SMG6: variants seen among roughly 807,000 people sequenced by gnomAD.
SMG6 encodes SMG6 nonsense mediated mRNA decay factor, also known as telomerase-binding protein EST1A.
SMG6 carries 66 observed loss-of-function variants against 142.2 expected under a neutral mutation model. The observed-to-expected ratio is 0.46, with a 90% CI of 0.38 to 0.57. The LOEUF (loss-of-function observed/expected upper bound fraction) is 0.57. Among genes scored for constraint, SMG6 ranks in the 20% least tolerant of loss-of-function variants. The probability of loss-of-function intolerance (pLI) is 0.00; values close to 1 mark genes in which losing one functional copy is unlikely to be tolerated. For missense variants in SMG6, 1,793 were observed against 1,832.0 expected (o/e 0.98, Z 0.39); for synonymous variants, 779 against 702.4 (o/e 1.11, Z -1.72).
intron 4 of SMG6, among the ~76,000 whole-genome samples, chr17:2,296,471 G>A (rs1271269447): frequency 4.6e-5 from 7 of 152,236 alleles, no homozygotes; most frequent in African/African-American, 1.2e-4. Flanking sequence ...CCCCCAGGCC[G>A]CGGACTGGTA....
intron 10 of SMG6, among the ~76,000 whole-genome samples, chr17:2,218,200 TTCTCC>T (rs2073072538): frequency 6.6e-6 from 1 of 152,092 alleles, no homozygotes; most frequent in Non-Finnish European, 1.5e-5. Context: ...AATGATGTGC[TTCTCC>T]CATAACATTC....
At chr17:2,132,463 G>A (rs1457282733) in intron 13 of SMG6, among the ~76,000 whole-genome samples, 2 of 152,274 alleles carry the variant, frequency 1.3e-5, no homozygotes, top group East Asian at 1.9e-4. Context: ...ATGGGGAAGC[G>A]GTGTGGGACG....
At chr17:2,257,419 T>C (rs925296985) in intron 8 of SMG6, among the ~76,000 whole-genome samples, 1 of 152,088 alleles carries the variant, frequency 6.6e-6, no homozygotes, top group African/African-American at 2.4e-5. Context: ...GCTGGGATTA[T>C]AGACACGAGC....
At chr17:2,092,037 T>C (rs1248043336) in intron 13 of SMG6, among the ~76,000 whole-genome samples, 1 of 147,360 alleles carries the variant, frequency 6.8e-6, no homozygotes, top group Non-Finnish European at 1.5e-5. Flanking sequence ...CAAGCTGGAG[T>C]TGCACTGGCA....
chr17:2,201,780 T>C (rs144162571), intron 10 of SMG6, among the ~76,000 whole-genome samples: 1,551 of 152,068 alleles, frequency 0.01, 32 homozygotes, highest in African/African-American at 0.034. Flanking sequence ...TCTCAGCACT[T>C]TGGGAGGCCA....
At chr17:2,190,311 A>G (rs1377268970) in intron 10 of SMG6, among the ~76,000 whole-genome samples, 1 of 152,182 alleles carries the variant, frequency 6.6e-6, no homozygotes. Context: ...TACTCTGAGT[A>G]AACATTAGTG....
chr17:2,284,936 A>C (rs1229413469), intron 6 of SMG6, among the ~76,000 whole-genome samples: 1 of 152,178 alleles, frequency 6.6e-6, no homozygotes. Flanking sequence ...CTGATTTGAG[A>C]CTGTATTATA....
chr17:2,167,386 A>G lies in SMG6; in HGVS notation c.3357+5272T>C, dbSNP rs895438893. On this transcript the variant is annotated intron_variant, in intron 13 of 18. Transcript: ENST00000263073. ...TGACAGAAAAAGTGACATATAGGAC[A>G]AAGAATGGAGATCTAATGTATCAGG... Among the ~76,000 whole-genome samples, 25 of 152,306 alleles carry G rather than the reference A, an allele frequency of 1.6e-4. 1 individual carries two copies. The highest frequency in any genetic ancestry group is 6.0e-4 in the African/African-American group (25 of 41,576).
At chr17:2,179,160 C>CGG (rs2071733798) in intron 12 of SMG6, among the ~76,000 whole-genome samples, 2 of 152,164 alleles carry the variant, frequency 1.3e-5, no homozygotes, top group African/African-American at 4.8e-5. Flanking sequence ...CGCCCCAACC[C>CGG]GGAGCCAGGG....
At position 2,124,815 on chromosome 17, in the gene SMG6, G is replaced by A. The variant is rs369478452; in HGVS notation, c.3358-38914C>T. The stretch of plus-strand genomic sequence containing the variant: ...CCTGGTTTAATTAATTATTTACAGC[G>A]TTTATTCTTTATTTTTTGTTTCTAA... On this transcript the variant is annotated intron_variant, in intron 13 of 18. Transcript: ENST00000263073. Among the ~76,000 whole-genome samples the A allele has an allele frequency of 3.1e-4, 47 of 152,214 alleles. No individual in the cohort carries two copies. In the South Asian group the frequency reaches 3.7e-3, roughly 12 times the overall value.
intron 7 of SMG6, among the ~76,000 whole-genome samples, chr17:2,283,091 A>C (rs2074826833): frequency 1.3e-5 from 2 of 152,164 alleles, no homozygotes; most frequent in Admixed American, 6.5e-5. Flanking sequence ...AATCACTTAA[A>C]TCCGGGAGGC....
At chr17:2,190,033 GA>G (rs2072111233) in intron 10 of SMG6, among the ~76,000 whole-genome samples, 1 of 152,138 alleles carries the variant, frequency 6.6e-6, no homozygotes, top group Non-Finnish European at 1.5e-5. Flanking sequence ...CTGTTACAAA[GA>G]AAACAAGCAT....
intron 13 of SMG6, among the ~76,000 whole-genome samples, chr17:2,169,840 T>C (rs1439108458): frequency 1.3e-5 from 2 of 152,016 alleles, no homozygotes; most frequent in South Asian, 2.1e-4. Context: ...ATTTTAAAAA[T>C]AGACTGAAGA....
intron 13 of SMG6, among the ~76,000 whole-genome samples, chr17:2,140,727 A>G (rs1280416719): frequency 6.6e-6 from 1 of 152,070 alleles, no homozygotes; most frequent in Non-Finnish European, 1.5e-5. Context: ...TATAACATGC[A>G]GTCAATGCAA....
intron 12 of SMG6, among the ~76,000 whole-genome samples, chr17:2,181,452 T>G (rs1459109946): frequency 6.6e-6 from 1 of 152,218 alleles, no homozygotes; most frequent in Non-Finnish European, 1.5e-5. Context: ...TGATCCTAAC[T>G]GCAGAGAGAG....
chr17:2,284,990 CAG>C (rs971889815), intron 6 of SMG6, among the ~76,000 whole-genome samples: 3 of 152,052 alleles, frequency 2.0e-5, no homozygotes, highest in Non-Finnish European at 2.9e-5. Context: ...ATTTCCAAAA[CAG>C]AGATACAACT....
rs1597326932 is a variant in SMG6 at position 2,068,749 on chromosome 17, G to A, written c.3835+29C>T. On this transcript the variant is annotated intron_variant, in intron 16 of 18. Transcript: ENST00000263073. This position sits in a 1 kb window ranked among gnomAD's most constrained non-coding sequence, Gnocchi z 6.7. ...GGAGGGGGCTGCTGTGCACATGCAA[G>A]GCCGCTCTGCCCTTCCCGCCTGACT... The A allele has an allele frequency of 6.2e-7, 1 of 1,608,232 alleles. No individual in the cohort carries two copies.
intron 15 of SMG6, among the ~76,000 whole-genome samples, chr17:2,069,586 A>G (rs2068043069): frequency 6.6e-6 from 1 of 152,210 alleles, no homozygotes; most frequent in South Asian, 2.1e-4. Context: ...ACAGAACGAG[A>G]CCCTGTCTCA....
chr17:2,164,462 G>A (rs2071273286), intron 13 of SMG6, among the ~76,000 whole-genome samples: 1 of 151,988 alleles, frequency 6.6e-6, no homozygotes, highest in Admixed American at 6.5e-5. Context: ...ACAAAACTTA[G>A]CCGGGCGTGG....
Sources: gnomAD v4.1 joint callset for allele counts (sites outside exome capture counted in the v4.1 genomes callset) on GRCh38, gnomAD v4.1.1 for gene constraint, Gnocchi (gnomAD v3.1) non-coding constraint, MANE v1.5 for transcripts, NCBI Gene and HGNC (gene_info 2026-07-23, HGNC 2026-07-21) for gene names.